Variants in FIP1L1 observed in about 807,000 individuals in gnomAD.
The protein encoded by FIP1L1 is factor interacting with PAPOLA and CPSF1.
In FIP1L1, 21 loss-of-function variants were observed where a neutral mutation model predicts 84.6. The ratio of observed to expected loss-of-function variants is 0.25; its 90% CI spans 0.18 to 0.36. The LOEUF is 0.36. Ranked by LOEUF, FIP1L1 falls within the 10% of genes least tolerant of loss-of-function variation. FIP1L1 has a pLI of 1.00. For missense variants in FIP1L1, 526 were observed against 751.1 expected, an observed-to-expected ratio of 0.70 and a Z score of 3.50; for synonymous variants, 263 against 242.3, an observed-to-expected ratio of 1.09 and a Z score of -0.80.
intron 16 of FIP1L1, among the ~76,000 whole-genome samples, chr4:53,454,559 A>G (rs1271992661): frequency 6.6e-6 from 1 of 152,204 alleles, no homozygotes; most frequent in Non-Finnish European, 1.5e-5. Context: ...GAGTTTGTTC[A>G]GAATGCTTAA....
intron 10 of FIP1L1, among the ~76,000 whole-genome samples, chr4:53,402,143 T>G (rs1477645306): frequency 6.6e-5 from 10 of 152,164 alleles, no homozygotes; most frequent in Admixed American, 6.5e-4. Context: ...TCCAATTGAT[T>G]GGTCAAGAAA....
chr4:53,432,565 T>C (rs1326801216), intron 13 of FIP1L1, among the ~76,000 whole-genome samples: 1 of 152,202 alleles, frequency 6.6e-6, no homozygotes, highest in East Asian at 1.9e-4. Flanking sequence ...ATGCTTTTTC[T>C]GAGTAATAAT....
chr4:53,456,625 C>T (rs1228745861), intron 16 of FIP1L1, among the ~76,000 whole-genome samples: 1 of 152,124 alleles, frequency 6.6e-6, no homozygotes, highest in Non-Finnish European at 1.5e-5. Context: ...CCAGTTTCAA[C>T]TTCTGTTTTT....
chr4:53,394,620 G>C (rs1451826904), intron 9 of FIP1L1, among the ~76,000 whole-genome samples: 1 of 152,060 alleles, frequency 6.6e-6, no homozygotes, highest in African/African-American at 2.4e-5. Context: ...TTAGGATTCA[G>C]TTTTCTTTGG....
intron 11 of FIP1L1, among the ~76,000 whole-genome samples, chr4:53,420,197 CAAAAAAAAAAAAAAAAAAA>C (rs1166566869): frequency 5.7e-5 from 1 of 17,552 alleles, no homozygotes; most frequent in Non-Finnish European, 8.6e-5. Flanking sequence ...GACTCCGTCT[CAAAAAAAAAAAAAAAAAAA>C]AAAAAAAAAC....
intron 9 of FIP1L1, among the ~76,000 whole-genome samples, chr4:53,396,267 A>G (rs1337620906): frequency 6.6e-6 from 1 of 152,194 alleles, no homozygotes; most frequent in East Asian, 1.9e-4. Context: ...TAAAGGAATT[A>G]TCTATACAAA....
At chr4:53,402,429 C>CT (rs1236789457) in intron 10 of FIP1L1, among the ~76,000 whole-genome samples, 1 of 152,084 alleles carries the variant, frequency 6.6e-6, no homozygotes, top group African/African-American at 2.4e-5. Flanking sequence ...TGGCTGGGCA[C>CT]TGTAGCTCAT....
intron 5 of FIP1L1, among the ~76,000 whole-genome samples, chr4:53,384,089 C>T (rs887196242): frequency 3.9e-5 from 6 of 152,086 alleles, no homozygotes; most frequent in African/African-American, 1.2e-4. Flanking sequence ...GTTTTTGATG[C>T]TGAATTTAAA....
rs1735285411 is a variant in FIP1L1, at chr4:53,377,690, G to T, written c.-149G>T. 1.7e-5 allele frequency: 11 copies of T among 661,702 alleles called. No homozygotes were observed. The highest frequency in any genetic ancestry group is 3.3e-5 in the Admixed American group (1 of 30,232). The allele number at this position is 661,702 out of a possible 1,614,324, so 41.0% of individuals were successfully genotyped here. ...TGGAGGCTTCATCTTTGCCGCCGCT[G>T]CCGTCGCCTTCCTGGGATTGGAGTC... is the stretch of plus-strand genomic sequence containing the variant. On this transcript the variant is annotated 5_prime_UTR_variant, in exon 1 of 18. Coordinates refer to ENST00000337488, the MANE Select transcript of FIP1L1 (RefSeq NM_030917.4).
chr4:53,452,974 C>A lies in FIP1L1; in HGVS notation c.1340C>A (p.Thr447Asn). The A allele has an allele frequency of 6.2e-7, 1 of 1,613,296 alleles. No homozygotes were observed. Among genetic ancestry groups the A allele is most frequent in the Non-Finnish European group, 8.5e-7 (1 of 1,179,924 alleles). The change falls in exon 16 of 18, where the codon ACC (threonine) becomes AAC (asparagine). Residue 447 changes from threonine to asparagine, a missense_variant. Coordinates refer to ENST00000337488, the MANE Select transcript of FIP1L1 (RefSeq NM_030917.4). ...CCTTCGTGGCCTAGTCTTGTGGACA[C>A]CAGCAAGCAGTGGGACTATTATGCC... ...SAPSWPSLVD[T>N]SKQWDYYARR...
chr4:53,420,845 T>G (rs1762128458), intron 11 of FIP1L1, among the ~76,000 whole-genome samples: 1 of 152,166 alleles, frequency 6.6e-6, no homozygotes, highest in Admixed American at 6.5e-5. Context: ...CTTATGTTGA[T>G]GGATATGACT....
At position 53,452,964 on chromosome 4, in the gene FIP1L1, C is replaced by G. The variant is rs1222597263; in HGVS notation, c.1330C>G (p.Leu444Val). 6.2e-7 allele frequency: 1 copy of G among 1,613,350 alleles called. No individual in the cohort carries two copies. Among genetic ancestry groups the G allele is most frequent in the Non-Finnish European group, 8.5e-7 (1 of 1,179,960 alleles). Reference protein sequence around the residue: ...LPGSAPSWPSLVDTSKQWDYY... With the variant: ...LPGSAPSWPSVVDTSKQWDYY... The stretch of plus-strand genomic sequence containing the variant: ...TGGTTCTGCTCCTTCGTGGCCTAGT[C>G]TTGTGGACACCAGCAAGCAGTGGGA... Residue 444 changes from leucine to valine, a missense_variant, in exon 16 of 18, where the codon CTT becomes GTT. Coordinates refer to ENST00000337488, the MANE Select transcript of FIP1L1 (RefSeq NM_030917.4).
Position 53,459,394 on chromosome 4 carries a change from C to T in FIP1L1, c.1730C>T (p.Ala577Val), listed in dbSNP as rs377576240. Residue 577 changes from alanine to valine, a missense_variant, in exon 18 of 18, where the codon GCG (alanine) becomes GTG (valine). Transcript: ENST00000337488. Reference sequence around the variant, plus strand: ...AAAAGAAGCAAAGAAGGAAAAGAAGCGGGCAGTGAGCCTGCCCCTGAACAG... The same window carrying T: ...AAAAGAAGCAAAGAAGGAAAAGAAGTGGGCAGTGAGCCTGCCCCTGAACAG... ...KSKRSKEGKE[A>V]GSEPAPEQES... 108 of 1,610,514 alleles carry T rather than the reference C, an allele frequency of 6.7e-5. No individual in the cohort carries two copies. Among genetic ancestry groups the T allele is most frequent in the Non-Finnish European group, 8.1e-5 (95 of 1,179,352 alleles).
At position 53,410,501 on chromosome 4, in the gene FIP1L1, G is replaced by A. The variant is rs546585974; in HGVS notation, c.816-4114G>A. 2.0e-5 allele frequency among the ~76,000 whole-genome samples: 3 copies of A among 152,260 alleles called. No homozygotes were observed. The South Asian group carries it at 6.2e-4, about 32-fold the overall frequency. On this transcript the variant is annotated intron_variant, in intron 10 of 17. Coordinates refer to ENST00000337488, the MANE Select transcript of FIP1L1 (RefSeq NM_030917.4). Reference sequence around the variant, plus strand: ...CATTAGCAATTCCTGGGCCAAATGTGTTGTTGATGTTGCGAGTTGTCTCTG... The same window carrying A: ...CATTAGCAATTCCTGGGCCAAATGTATTGTTGATGTTGCGAGTTGTCTCTG...
chr4:53,460,835 A>AAGAT lies in FIP1L1; in HGVS notation c.*1388_*1391dup, dbSNP rs533297410. The AAGAT allele has an allele frequency of 2.8e-5, 37 of 1,334,554 alleles. No homozygotes were observed. In the African/African-American group the frequency reaches 3.5e-4, roughly 13 times the overall value. 82.7% of individuals were successfully genotyped at this position (1,334,554 alleles called of 1,614,324 possible). On this transcript the variant is annotated 3_prime_UTR_variant, in exon 18 of 18. Coordinates refer to ENST00000337488, the MANE Select transcript of FIP1L1 (RefSeq NM_030917.4). ...TCTTTCTTTAAATATAAAAACTGAC[A>AAGAT]AGATAAATATAGTGTTTCAACTTCT...
intron 13 of FIP1L1, among the ~76,000 whole-genome samples, chr4:53,437,344 A>G: frequency 6.7e-6 from 1 of 149,216 alleles, no homozygotes. Flanking sequence ...AAAAAAAAAA[A>G]AAAAAAAAAG....
At chr4:53,392,829 A>G (rs761996272) in intron 9 of FIP1L1, among the ~76,000 whole-genome samples, 39 of 152,172 alleles carry the variant, frequency 2.6e-4, no homozygotes, top group Non-Finnish European at 4.1e-4. Context: ...TCTTTTGGCT[A>G]TGTGAGAGGA....
At chr4:53,419,186 A>G (rs1234669815) in intron 11 of FIP1L1, among the ~76,000 whole-genome samples, 1 of 152,176 alleles carries the variant, frequency 6.6e-6, no homozygotes, top group African/African-American at 2.4e-5. Context: ...GAACACACTT[A>G]TGTCCTCCAG....
chr4:53,456,591 G>T (rs1409774267), intron 16 of FIP1L1, among the ~76,000 whole-genome samples: 1 of 152,070 alleles, frequency 6.6e-6, no homozygotes, highest in African/African-American at 2.4e-5. Context: ...CAAATTACAG[G>T]GCCATTGTTT....
Sources: allele counts gnomAD v4.1 joint callset (sites outside exome capture counted in the v4.1 genomes callset), GRCh38; gene constraint gnomAD v4.1.1; transcripts MANE v1.5; gene names NCBI Gene and HGNC (gene_info 2026-07-23, HGNC 2026-07-21).